The following SAXO1 variants were observed in gnomAD, a reference collection of about 807,000 sequenced individuals.
SAXO1 encodes the protein 4930500O09Rik.
In SAXO1, 21 loss-of-function variants were observed where a neutral mutation model predicts 17.5. That is an observed-to-expected ratio of 1.20 (90% CI 0.85 to 1.72). The LOEUF (loss-of-function observed/expected upper bound fraction) is 1.72. Ranked by LOEUF, SAXO1 falls within the 40% of genes most tolerant of loss-of-function variation. The pLI is 0.00. For missense variants in SAXO1, 843 were observed against 596.0 expected (o/e 1.41, Z -4.32); for synonymous variants, 274 against 216.5 (o/e 1.27, Z -2.33).
chr9:18,941,331 G>A (rs762457330), intron 3 of SAXO1, among the ~76,000 whole-genome samples: 3 of 151,966 alleles, frequency 2.0e-5, no homozygotes, highest in Non-Finnish European at 2.9e-5. Context: ...AGTAGCCATC[G>A]ATACTGCGTA....
At chr9:18,946,135 A>T (rs1203604792) in intron 2 of SAXO1, among the ~76,000 whole-genome samples, 1 of 151,824 alleles carries the variant, frequency 6.6e-6, no homozygotes, top group Non-Finnish European at 1.5e-5. Context: ...AATTAGCTGG[A>T]TGTGGTGGGA....
chr9:19,010,474 C>A (rs1237972352), intron 1 of SAXO1, among the ~76,000 whole-genome samples: 3 of 147,952 alleles, frequency 2.0e-5, no homozygotes, highest in African/African-American at 5.1e-5. Flanking sequence ...TTCCATATTT[C>A]TAGGAAAAAA....
In SAXO1 at chr9:18,928,479, C is replaced by T. The variant is rs1035643925; in HGVS notation, c.998G>A (p.Arg333His). ...CTTGGTGGTGGAAGAGCCTTCAAAG[C>T]GACCGCACTTCTTAATCTGAAGTGC... ...RPALQIKKCG[R>H]FEGSSTTKDD... Residue 333 changes from arginine (R) to histidine (H), a missense_variant, in exon 4 of 4, where the codon CGC becomes CAC. Coordinates refer to ENST00000380534, the MANE Select transcript of SAXO1 (RefSeq NM_153707.4). 9 of 1,612,896 alleles carry T rather than the reference C, an allele frequency of 5.6e-6. No individual in the cohort carries two copies. The highest frequency in any genetic ancestry group is 2.7e-5 in the African/African-American group (2 of 74,838).
chr9:18,948,620 A>T (rs1336005723), intron 2 of SAXO1, among the ~76,000 whole-genome samples: 1 of 152,120 alleles, frequency 6.6e-6, no homozygotes, highest in Non-Finnish European at 1.5e-5. Flanking sequence ...GTTTTTGTTT[A>T]GCGAAGCACC....
chr9:18,937,360 A>G (rs1165621999), intron 3 of SAXO1, among the ~76,000 whole-genome samples: 2 of 152,186 alleles, frequency 1.3e-5, no homozygotes, highest in Non-Finnish European at 2.9e-5. Context: ...GTTCAGAACC[A>G]TTCATCCATT....
Position 18,932,276 on chromosome 9 carries a change from C to G in SAXO1, c.422-3221G>C, listed in dbSNP as rs12343755. On this transcript the variant is annotated intron_variant, in intron 3 of 3. Coordinates refer to ENST00000380534, the MANE Select transcript of SAXO1 (RefSeq NM_153707.4). ...ATCCAACTGTCCCAGCACCATTCAT[C>G]AAAAAGACTATCCTCTCCCACACTG... Among the ~76,000 whole-genome samples the G allele has an allele frequency of 6.4e-3, 982 of 152,322 alleles. 18 individuals carry two copies. The highest frequency in any genetic ancestry group is 0.022 in the African/African-American group (916 of 41,572).
At chr9:19,039,116 C>G (rs1371817076) in intron 1 of SAXO1, among the ~76,000 whole-genome samples, 2 of 149,392 alleles carry the variant, frequency 1.3e-5, no homozygotes, top group East Asian at 3.9e-4. Context: ...GCCTGGGCAA[C>G]AGAGCAAGAC....
chr9:19,017,325 T>G (rs185639230), intron 1 of SAXO1, among the ~76,000 whole-genome samples: 15 of 152,040 alleles, frequency 9.9e-5, no homozygotes, highest in African/African-American at 3.6e-4. Context: ...ACCCCAAACC[T>G]CAGCATCACA....
rs139723899 is a variant in SAXO1, at chr9:18,973,335, A to G, written c.39-22398T>C. Among the ~76,000 whole-genome samples, 378 of 152,374 alleles carry G rather than the reference A, an allele frequency of 2.5e-3. 1 individual carries two copies. Among genetic ancestry groups the G allele is most frequent in the African/African-American group, 8.7e-3 (361 of 41,590 alleles). ...ATCATCTAAAGTACCAGCACCTTTA[A>G]AGTGGCATTCAATACAGCTGCCATA... is the stretch of plus-strand genomic sequence containing the variant. On this transcript the variant is annotated intron_variant, in intron 1 of 3. Transcript: ENST00000380534.
intron 1 of SAXO1, among the ~76,000 whole-genome samples, chr9:19,004,308 T>C (rs527277236): frequency 1.3e-5 from 2 of 152,342 alleles, no homozygotes; most frequent in Non-Finnish European, 2.9e-5. Context: ...AGTTCAACCA[T>C]TGTGGAAGAC....
At chr9:18,977,623 C>T (rs1833201753) in intron 1 of SAXO1, among the ~76,000 whole-genome samples, 1 of 152,112 alleles carries the variant, frequency 6.6e-6, no homozygotes, top group Non-Finnish European at 1.5e-5. Context: ...AACTTGGGTT[C>T]CTTGAACTTC....
At chr9:19,008,528 G>A (rs146969020) in intron 1 of SAXO1, among the ~76,000 whole-genome samples, 1 of 152,302 alleles carries the variant, frequency 6.6e-6, no homozygotes, top group African/African-American at 2.4e-5. Flanking sequence ...AGGGTGAACA[G>A]GGGAGGAGAG....
At chr9:19,035,615 G>A (rs1835916207), upstream of SAXO1, among the ~76,000 whole-genome samples, 1 of 152,226 alleles carries the variant, frequency 6.6e-6, no homozygotes. Context: ...AGGAAAATGT[G>A]AGAAAATTTG....
At chr9:19,035,159 G>A (rs551183660), upstream of SAXO1, among the ~76,000 whole-genome samples, 23 of 152,230 alleles carry the variant, frequency 1.5e-4, no homozygotes, top group Non-Finnish European at 3.1e-4. Flanking sequence ...CATCTGATAT[G>A]GTTTGGTTCT....
chr9:18,994,369 T>C (rs1833926124), intron 1 of SAXO1, among the ~76,000 whole-genome samples: 2 of 152,220 alleles, frequency 1.3e-5, no homozygotes, highest in Non-Finnish European at 2.9e-5. Flanking sequence ...CTGTCCGGCA[T>C]TTGACAGCCA....
At chr9:18,935,106 C>G (rs1831229435) in intron 3 of SAXO1, among the ~76,000 whole-genome samples, 1 of 151,882 alleles carries the variant, frequency 6.6e-6, no homozygotes, top group Non-Finnish European at 1.5e-5. Context: ...TTATTGTTTT[C>G]TTTTTTTGTA....
At position 18,928,205 on chromosome 9, in the gene SAXO1, A is replaced by T; in HGVS notation, c.1272T>A (p.Tyr424Ter). 6.2e-7 allele frequency: 1 copy of T among 1,614,152 alleles called. No homozygotes were observed. Among genetic ancestry groups the T allele is most frequent in the South Asian group, 1.1e-5 (1 of 91,072 alleles). The change falls in exon 4 of 4, where the codon TAT (tyrosine) becomes TAA (stop). Residue 424 changes from tyrosine (Y) to a stop codon, truncating the protein, a stop_gained. Coordinates refer to ENST00000380534, the MANE Select transcript of SAXO1 (RefSeq NM_153707.4). LOFTEE classifies it low-confidence loss of function (END_TRUNC). ...PKEMGRCLAS[Y>*]PEPPGYTFEE... ...CAAAGGTGTAGCCAGGAGGCTCAGGATATGAAGCTAGGCACCTGCCCATTT... is the reference window on the plus strand; with the variant it reads ...CAAAGGTGTAGCCAGGAGGCTCAGGTTATGAAGCTAGGCACCTGCCCATTT...
chr9:18,956,107 CTAATTTT>C (rs1196894518), intron 1 of SAXO1, among the ~76,000 whole-genome samples: 1 of 110,928 alleles, frequency 9.0e-6, no homozygotes, highest in African/African-American at 3.2e-5. Flanking sequence ...CACAACCTGG[CTAATTTT>C]TTTTTTTTTT....
At chr9:18,968,814 G>T (rs771842052) in intron 1 of SAXO1, among the ~76,000 whole-genome samples, 1 of 152,054 alleles carries the variant, frequency 6.6e-6, no homozygotes, top group African/African-American at 2.4e-5. Context: ...GGCTGGTGTC[G>T]AACTCCTGAC....
Sources: gnomAD v4.1 joint callset for allele counts (sites outside exome capture counted in the v4.1 genomes callset) on GRCh38, gnomAD v4.1.1 for gene constraint, MANE v1.5 for transcripts, NCBI Gene and HGNC (gene_info 2026-07-23, HGNC 2026-07-21) for gene names.